The following AGBL4 variants were observed in gnomAD, a reference collection of about 807,000 sequenced individuals.
The protein encoded by AGBL4 is cytosolic carboxypeptidase 6.
A neutral mutation model predicts 66.4 loss-of-function variants in AGBL4; 58 were observed. The ratio of observed to expected loss-of-function variants is 0.87; its 90% CI spans 0.71 to 1.09. The LOEUF is 1.09. Ranked by LOEUF, AGBL4 falls within the 50% of genes least tolerant of loss-of-function variation. The probability of loss-of-function intolerance (pLI) is 0.00; values close to 1 mark genes in which losing one functional copy is unlikely to be tolerated. For synonymous variants in AGBL4, 234 were observed against 222.9 expected, an observed-to-expected ratio of 1.05 and a Z score of -0.44; for missense variants, 579 against 631.0, an observed-to-expected ratio of 0.92 and a Z score of 0.88.
intron 2 of AGBL4, among the ~76,000 whole-genome samples, chr1:49,782,350 A>G (rs1391928279): frequency 6.6e-6 from 1 of 152,174 alleles, no homozygotes; most frequent in African/African-American, 2.4e-5. Context: ...AAAATATTAA[A>G]TAACTGAGAT....
chr1:48,732,217 GAGA>G (rs1004846995), intron 6 of AGBL4, among the ~76,000 whole-genome samples: 2 of 152,140 alleles, frequency 1.3e-5, no homozygotes, highest in Admixed American at 6.6e-5. Context: ...AGGCTTCACA[GAGA>G]AGGAGAGGAA....
intron 3 of AGBL4, among the ~76,000 whole-genome samples, chr1:49,271,309 T>C (rs571616108): frequency 1.3e-5 from 2 of 152,200 alleles, no homozygotes; most frequent in African/African-American, 4.8e-5. Context: ...TTGTACACCA[T>C]TGCACATAAA....
At chr1:49,190,910 G>A (rs1361157494) in intron 4 of AGBL4, among the ~76,000 whole-genome samples, 1 of 152,158 alleles carries the variant, frequency 6.6e-6, no homozygotes, top group African/African-American at 2.4e-5. Flanking sequence ...TGGAACTCCT[G>A]CCTCTTTTGG....
intron 1 of AGBL4, among the ~76,000 whole-genome samples, chr1:49,895,067 T>C (rs1391252290): frequency 1.3e-5 from 2 of 152,026 alleles, no homozygotes; most frequent in Non-Finnish European, 2.9e-5. Context: ...GTAGCAACAT[T>C]TCAGTGGAAG....
At chr1:49,800,112 G>A (rs1478610001) in intron 2 of AGBL4, among the ~76,000 whole-genome samples, 1 of 152,080 alleles carries the variant, frequency 6.6e-6, no homozygotes, top group Non-Finnish European at 1.5e-5. Flanking sequence ...AGTCTCTTAA[G>A]GTAGTCTCCA....
chr1:48,969,155 T>G (rs1376660271), intron 5 of AGBL4, among the ~76,000 whole-genome samples: 2 of 146,932 alleles, frequency 1.4e-5, no homozygotes, highest in Admixed American at 1.4e-4. Context: ...AACTCTCTCT[T>G]TCATTAAATT....
At chr1:49,637,749 T>C (rs761705986) in intron 3 of AGBL4, among the ~76,000 whole-genome samples, 1 of 151,704 alleles carries the variant, frequency 6.6e-6, no homozygotes, top group Non-Finnish European at 1.5e-5. Flanking sequence ...TAGCAACAAA[T>C]TAAAAAATAA....
intron 1 of AGBL4, among the ~76,000 whole-genome samples, chr1:49,897,279 A>C (rs376574008): frequency 3.9e-5 from 6 of 152,208 alleles, no homozygotes; most frequent in Non-Finnish European, 5.9e-5. Context: ...CACAATCAAC[A>C]TACAAAAAAA....
At chr1:49,697,240 A>T in intron 3 of AGBL4, 73 bp downstream of exon 3, 1 of 1,423,044 alleles carries the variant, frequency 7.0e-7, no homozygotes. Flanking sequence ...CATTATTTTG[A>T]TATTTCTAAA....
chr1:49,948,705 G>A (rs1404057054), intron 1 of AGBL4, among the ~76,000 whole-genome samples: 1 of 149,840 alleles, frequency 6.7e-6, no homozygotes, highest in East Asian at 2.0e-4. Context: ...CAAACAAATG[G>A]AAGCACATCC....
intron 6 of AGBL4, among the ~76,000 whole-genome samples, chr1:48,692,217 C>T (rs769173282): frequency 1.3e-5 from 2 of 152,170 alleles, no homozygotes; most frequent in Admixed American, 6.5e-5. Flanking sequence ...CCTGATGTGA[C>T]AGCACAGAAG....
At chr1:48,863,271 AATAG>A (rs1335540544) in intron 6 of AGBL4, among the ~76,000 whole-genome samples, 1 of 152,168 alleles carries the variant, frequency 6.6e-6, no homozygotes, top group Non-Finnish European at 1.5e-5. Flanking sequence ...TTAGAAATAA[AATAG>A]ATAGCATCCA....
At chr1:49,611,758 T>C (rs1242396761) in intron 3 of AGBL4, among the ~76,000 whole-genome samples, 3 of 152,142 alleles carry the variant, frequency 2.0e-5, no homozygotes, top group African/African-American at 7.2e-5. Context: ...ATACTGAAGG[T>C]CAATGAATCT....
intron 6 of AGBL4, among the ~76,000 whole-genome samples, chr1:48,808,869 G>C (rs1186258536): frequency 6.6e-6 from 1 of 152,216 alleles, no homozygotes; most frequent in Non-Finnish European, 1.5e-5. Context: ...GTGAAGAGCT[G>C]CACAGAAAGC....
intron 3 of AGBL4, among the ~76,000 whole-genome samples, chr1:49,460,284 T>C (rs1391939025): frequency 6.6e-6 from 1 of 151,718 alleles, no homozygotes; most frequent in Non-Finnish European, 1.5e-5. Flanking sequence ...GTTAGGTGCA[T>C]ATGTATTTAG....
At chr1:49,042,751 GAAAT>G (rs1014803690) in intron 5 of AGBL4, among the ~76,000 whole-genome samples, 5 of 152,118 alleles carry the variant, frequency 3.3e-5, no homozygotes, top group Admixed American at 2.6e-4. Flanking sequence ...ACATTGAAAA[GAAAT>G]AAACGTCTAT....
intron 2 of AGBL4, among the ~76,000 whole-genome samples, chr1:49,835,600 T>C (rs1645826501): frequency 6.6e-6 from 1 of 152,214 alleles, no homozygotes; most frequent in African/African-American, 2.4e-5. Context: ...ATGTGTGAGG[T>C]TGATCCTGTC....
chr1:49,717,019 T>A (rs1337530772), intron 2 of AGBL4, among the ~76,000 whole-genome samples: 1 of 152,106 alleles, frequency 6.6e-6, no homozygotes, highest in Admixed American at 6.6e-5. Context: ...ATCATAGATT[T>A]AGAAAACCCC....
chr1:49,935,660 A>G (rs1653915645), intron 1 of AGBL4, among the ~76,000 whole-genome samples: 2 of 152,196 alleles, frequency 1.3e-5, no homozygotes, highest in Non-Finnish European at 2.9e-5. Context: ...ACTATCAGAC[A>G]GCAGCATTCG....
Sources: allele counts gnomAD v4.1 joint callset (sites outside exome capture counted in the v4.1 genomes callset), GRCh38; gene constraint gnomAD v4.1.1; transcripts MANE v1.5; gene names NCBI Gene and HGNC (gene_info 2026-07-23, HGNC 2026-07-21).